WFDC1: variants seen among roughly 807,000 people sequenced by gnomAD.
WFDC1 encodes WAP four-disulfide core domain 1.
WFDC1 carries 39 observed loss-of-function variants against 32.9 expected under a neutral mutation model. The observed-to-expected ratio is 1.19, with a 90% CI of 0.92 to 1.55. The LOEUF is 1.55. Among genes scored for constraint, WFDC1 ranks in the 40% most tolerant of loss-of-function variants. The probability of loss-of-function intolerance (pLI) is 0.00; values close to 1 mark genes in which losing one functional copy is unlikely to be tolerated. For missense variants in WFDC1, 386 were observed against 309.5 expected (o/e 1.25, Z -1.85); for synonymous variants, 184 against 137.4 (o/e 1.34, Z -2.37).
At chr16:84,318,861 C>G (rs906758995) in intron 3 of WFDC1, 1 of 203,930 alleles carries the variant, frequency 4.9e-6, no homozygotes, top group Non-Finnish European at 1.0e-5. Flanking sequence ...CTAGAGTGTG[C>G]GGCCGTATAT....
chr16:84,296,572 G>A (rs971031542), intron 1 of WFDC1, among the ~76,000 whole-genome samples: 6 of 152,132 alleles, frequency 3.9e-5, no homozygotes, highest in African/African-American at 1.4e-4. Context: ...CAGGCATAGT[G>A]GGGTGCCTGA....
intron 5 of WFDC1, among the ~76,000 whole-genome samples, chr16:84,325,050 C>T (rs1908511141): frequency 6.6e-6 from 1 of 151,712 alleles, no homozygotes; most frequent in South Asian, 2.1e-4. Context: ...TATCTTTTCA[C>T]CCACCCATCT....
At chr16:84,296,815 G>A (rs1465674222) in intron 1 of WFDC1, 2 of 152,218 alleles carry the variant, frequency 1.3e-5, no homozygotes, top group African/African-American at 2.4e-5. Context: ...GAGGAGGAAG[G>A]AAATTCCTGG....
chr16:84,317,925 C>T lies in WFDC1; in HGVS notation c.338-347C>T, dbSNP rs1349979047. 3 of 245,218 alleles carry T rather than the reference C, an allele frequency of 1.2e-5. No individual in the cohort carries two copies. In the East Asian group the frequency reaches 2.4e-4, roughly 20 times the overall value. The allele number at this position is 245,218 out of a possible 1,614,324, so 15.2% of individuals were successfully genotyped here. A position where few individuals can be genotyped will look rare whatever the true frequency, so the allele number is the denominator to read the frequency against. On this transcript the variant is annotated intron_variant, in intron 2 of 6. Coordinates refer to ENST00000219454, the MANE Select transcript of WFDC1 (RefSeq NM_021197.4). ...GCAGTCTGACTGATGTCCTTGTCCA[C>T]ATGGTCAGAATGGCCCCCAGCCTGC...
In WFDC1 at chr16:84,313,016, C is replaced by T; in HGVS notation, c.200C>T (p.Pro67Leu). 7.7e-7 allele frequency: 1 copy of T among 1,294,428 alleles called. No homozygotes were observed. The highest frequency in any genetic ancestry group is 9.8e-7 in the Non-Finnish European group (1 of 1,022,928). 80.2% of individuals were successfully genotyped at this position (1,294,428 alleles called of 1,614,324 possible). ...GPRQPRADRC[P>L]PPPRTLPPGA... ...CGGCAGCCCCGAGCAGACCGCTGCC[C>T]GCCGCCTCCGCGGACGCTGCCCCCC... is the stretch of plus-strand genomic sequence containing the variant. The change falls in exon 2 of 7, where the codon CCG becomes CTG. Residue 67 changes from proline to leucine, a missense_variant. Physicochemically the swap from Pro to Leu is moderately conservative, Grantham distance 98 (BLOSUM62 -3). Coordinates refer to ENST00000219454, the MANE Select transcript of WFDC1 (RefSeq NM_021197.4).
At chr16:84,306,245 G>A (rs575770318) in intron 1 of WFDC1, among the ~76,000 whole-genome samples, 10 of 152,190 alleles carry the variant, frequency 6.6e-5, no homozygotes, top group East Asian at 3.9e-4. Flanking sequence ...ACCCAGACGC[G>A]TCAGACTCCT....
intron 2 of WFDC1, among the ~76,000 whole-genome samples, chr16:84,314,141 T>C (rs910603128): frequency 1.3e-5 from 2 of 152,130 alleles, no homozygotes; most frequent in African/African-American, 4.8e-5. Flanking sequence ...TGGGAGCAGA[T>C]AATGAGATGT....
At chr16:84,302,366 TTATA>T (rs954711954) in intron 1 of WFDC1, among the ~76,000 whole-genome samples, 1 of 152,072 alleles carries the variant, frequency 6.6e-6, no homozygotes, top group Non-Finnish European at 1.5e-5. Flanking sequence ...AAATTGCATG[TTATA>T]TATATTTTAC....
rs1200744260 is a variant in WFDC1 at position 84,319,663 on chromosome 16, G to C, written c.562+92G>C. 1.8e-5 allele frequency: 27 copies of C among 1,519,876 alleles called. No homozygotes were observed. The East Asian group carries it at 6.0e-4, about 34-fold the overall frequency. The allele number at this position is 1,519,876 out of a possible 1,614,324, so 94.1% of individuals were successfully genotyped here. A position where few individuals can be genotyped will look rare whatever the true frequency, so the allele number is the denominator to read the frequency against. On this transcript the variant is annotated intron_variant, in intron 4 of 6. Transcript: ENST00000219454. The stretch of plus-strand genomic sequence containing the variant: ...TCACCCGCATGGACGACCTGCCCCA[G>C]GAAGCAGCCCCAGCACCTGGGCCTG...
chr16:84,318,165 A>C lies in WFDC1; in HGVS notation c.338-107A>C, dbSNP rs920078068. On this transcript the variant is annotated intron_variant, in intron 2 of 6. Transcript: ENST00000219454. ...GCCAGGAACCATAGTTATTTCTCCC[A>C]TGGGGAGCCTCTGTGCTGTCATGAA... 4 of 973,342 alleles carry C rather than the reference A, an allele frequency of 4.1e-6. No individual in the cohort carries two copies. The African/African-American group carries it at 6.4e-5, about 16-fold the overall frequency. The allele number at this position is 973,342 out of a possible 1,614,324, so 60.3% of individuals were successfully genotyped here.
chr16:84,327,088 C>A, intron 6 of WFDC1, 133 bp downstream of exon 6: 1 of 844,334 alleles, frequency 1.2e-6, no homozygotes, highest in Non-Finnish European at 1.9e-6. Context: ...TTGAAATTCC[C>A]TTCTGCAGTA....
At chr16:84,311,818 T>A (rs13337979) in intron 1 of WFDC1, among the ~76,000 whole-genome samples, 4 of 151,174 alleles carry the variant, frequency 2.6e-5, no homozygotes, top group East Asian at 2.0e-4. Flanking sequence ...GATTATACGC[T>A]TGTGTGCCAC....
chr16:84,316,947 C>T (rs577864255), intron 2 of WFDC1: 39 of 150,782 alleles, frequency 2.6e-4, no homozygotes, highest in Admixed American at 7.3e-4. Context: ...CATTGCACTC[C>T]AGCCTGGGCG....
chr16:84,312,900 C>G (rs115844790), intron 1 of WFDC1, 61 bp from the exon 2 acceptor site: 1 of 1,065,498 alleles, frequency 9.4e-7, no homozygotes, highest in African/African-American at 1.7e-5. Flanking sequence ...TTGCAAGCTC[C>G]GGGTGGCGCC....
intron 2 of WFDC1, among the ~76,000 whole-genome samples, chr16:84,315,843 C>T (rs954537387): frequency 6.6e-6 from 1 of 152,184 alleles, no homozygotes; most frequent in African/African-American, 2.4e-5. Context: ...TTGGGTCTGT[C>T]CAAAGCAGAC....
chr16:84,309,481 C>A (rs1156929868), intron 1 of WFDC1, among the ~76,000 whole-genome samples: 1 of 151,770 alleles, frequency 6.6e-6, no homozygotes, highest in Non-Finnish European at 1.5e-5. Flanking sequence ...ACTGTGGAGG[C>A]ACTGATGGGG....
At chr16:84,319,317 T>C (rs1908154099) in intron 3 of WFDC1, 114 bp from the exon 4 acceptor site, 3 of 1,460,124 alleles carry the variant, frequency 2.1e-6, no homozygotes, top group Non-Finnish European at 2.8e-6. Flanking sequence ...AGGCCGCCTC[T>C]CTGGGTGAGG....
chr16:84,314,268 C>T (rs1294114229), intron 2 of WFDC1, among the ~76,000 whole-genome samples: 1 of 151,952 alleles, frequency 6.6e-6, no homozygotes, highest in African/African-American at 2.4e-5. Context: ...AGGAGGTGAC[C>T]CCGTCGGGGA....
intron 1 of WFDC1, among the ~76,000 whole-genome samples, chr16:84,310,525 C>G (rs1422174738): frequency 6.6e-6 from 1 of 152,138 alleles, no homozygotes; most frequent in African/African-American, 2.4e-5. Context: ...AGACATTGAA[C>G]CACTGCAGAA....
Sources: gnomAD v4.1 joint callset for allele counts (sites outside exome capture counted in the v4.1 genomes callset) on GRCh38, gnomAD v4.1.1 for gene constraint, MANE v1.5 for transcripts, NCBI Gene and HGNC (gene_info 2026-07-23, HGNC 2026-07-21) for gene names.